The following ZIM3 variants were observed in gnomAD, a reference collection of about 807,000 sequenced individuals.
ZIM3 encodes zinc finger imprinted 3.
A neutral mutation model predicts 12.9 loss-of-function variants in ZIM3; 11 were observed. That is an observed-to-expected ratio of 0.85 (90% CI 0.54 to 1.41). The LOEUF (loss-of-function observed/expected upper bound fraction) is 1.41, where lower values mean the gene tolerates loss of function less well. Among genes scored for constraint, ZIM3 ranks in the 40% most tolerant of loss-of-function variants. The pLI is 0.00. For missense variants in ZIM3, 604 were observed against 557.2 expected (o/e 1.08, Z -0.85); for synonymous variants, 205 against 198.5 (o/e 1.03, Z -0.28).
At chr19:57,143,075 G>C (rs1219541283) in intron 1 of ZIM3, among the ~76,000 whole-genome samples, 4 of 151,862 alleles carry the variant, frequency 2.6e-5, no homozygotes, top group East Asian at 1.9e-4. Context: ...TGCCTGTAAT[G>C]CCAGCACTTT....
At chr19:57,136,809 C>G in intron 4 of ZIM3, 64 bp downstream of exon 4, 1 of 1,442,920 alleles carries the variant, frequency 6.9e-7, no homozygotes, top group Non-Finnish European at 9.7e-7. Context: ...ACGACTTCCT[C>G]ATTTAGAAAA....
chr19:57,135,526 T>C lies in ZIM3; in HGVS notation c.811A>G (p.Lys271Glu). The change falls in exon 5 of 5, where the codon AAA (lysine) becomes GAA (glutamate). Residue 271 changes from lysine (K) to glutamate (E), a missense_variant. Lys to Glu is a moderately conservative substitution (Grantham distance 56). Coordinates refer to ENST00000269834, the MANE Select transcript of ZIM3 (RefSeq NM_052882.1). ...TAGGATTTCTTGGCATTATGAATTTTCTCATGATTAATGCAGGATGATTTC... is the reference window on the plus strand; with the variant it reads ...TAGGATTTCTTGGCATTATGAATTTCCTCATGATTAATGCAGGATGATTTC... ...SWKSSCINHE[K>E]IHNAKKSYQC... The C allele has an allele frequency of 6.2e-7, 1 of 1,614,078 alleles. No individual in the cohort carries two copies.
Position 57,135,849 on chromosome 19 carries a change from A to G in ZIM3, c.488T>C (p.Val163Ala), listed in dbSNP as rs144475735. Residue 163 changes from valine (V) to alanine (A), a missense_variant, in exon 5 of 5, where the codon GTA becomes GCA. Val to Ala is a moderately conservative substitution (Grantham distance 64, BLOSUM62 0). Coordinates refer to ENST00000269834, the MANE Select transcript of ZIM3 (RefSeq NM_052882.1). ...KLVGNNPSKFVGQQLKCNACR... is the reference protein window; with the variant it reads ...KLVGNNPSKFAGQQLKCNACR... The stretch of plus-strand genomic sequence containing the variant: ...GGCATTACATTTCAGTTGTTGTCCT[A>G]CAAATTTGGATGGATTATTGCCAAC... 1 of 1,614,024 alleles carries G rather than the reference A, an allele frequency of 6.2e-7. No individual in the cohort carries two copies. The highest frequency in any genetic ancestry group is 1.3e-5 in the African/African-American group (1 of 74,934).
rs1464113091 is a variant in ZIM3 at position 57,134,214 on chromosome 19, CCT to C, written c.*702_*703del. 1 of 152,194 alleles carries C rather than the reference CCT, an allele frequency of 6.6e-6. No homozygotes were observed. Among genetic ancestry groups the C allele is most frequent in the Non-Finnish European group, 1.5e-5 (1 of 68,040 alleles). 9.4% of individuals were successfully genotyped at this position (152,194 alleles called of 1,614,324 possible). On this transcript the variant is annotated 3_prime_UTR_variant, in exon 5 of 5. Transcript: ENST00000269834. ...CCAGTCCCCTACACCTCTAGAGAAACCTCTCCACTCATGAATTATAGAAATCA... is the reference window on the plus strand; with the variant it reads ...CCAGTCCCCTACACCTCTAGAGAAACCTCCACTCATGAATTATAGAAATCA...
chr19:57,139,260 G>A (rs2086903278), intron 2 of ZIM3, among the ~76,000 whole-genome samples: 1 of 151,366 alleles, frequency 6.6e-6, no homozygotes, highest in East Asian at 2.0e-4. Context: ...CCCAGGAGGT[G>A]GAGGCTGCAG....
chr19:57,141,176 C>T (rs186989060), intron 2 of ZIM3, among the ~76,000 whole-genome samples: 106 of 152,116 alleles, frequency 7.0e-4, no homozygotes, highest in African/African-American at 2.4e-3. Flanking sequence ...GGGTGGATCA[C>T]CTGAGGTCAG....
chr19:57,137,922 AGAAG>A (rs1285328183), intron 3 of ZIM3, among the ~76,000 whole-genome samples: 371 of 20,714 alleles, frequency 0.018, 18 homozygotes, highest in Non-Finnish European at 0.027. Flanking sequence ...AAGGAAGGAA[AGAAG>A]GAAGGAAGGA....
rs180836889 is a variant in ZIM3 at position 57,134,765 on chromosome 19, T to C, written c.*153A>G. 1,082 of 689,770 alleles carry C rather than the reference T, an allele frequency of 1.6e-3. 4 individuals carry two copies. The highest frequency in any genetic ancestry group is 1.1e-3 in the East Asian group (40 of 36,920). The allele number at this position is 689,770 out of a possible 1,614,324, so 42.7% of individuals were successfully genotyped here. A position where few individuals can be genotyped will look rare whatever the true frequency, so the allele number is the denominator to read the frequency against. ...ACTTAATAAACATTTGCTGAGTGAGTATGCCGAATGGGTTTTCAAAGGATA... is the reference window on the plus strand; with the variant it reads ...ACTTAATAAACATTTGCTGAGTGAGCATGCCGAATGGGTTTTCAAAGGATA... On this transcript the variant is annotated 3_prime_UTR_variant, in exon 5 of 5. Coordinates refer to ENST00000269834, the MANE Select transcript of ZIM3 (RefSeq NM_052882.1).
At chr19:57,139,054 C>T (rs28672911) in intron 2 of ZIM3, among the ~76,000 whole-genome samples, 2,180 of 152,014 alleles carry the variant, frequency 0.014, 62 homozygotes, top group African/African-American at 0.049. Flanking sequence ...TGGCCGGGCA[C>T]GGTGGCTCAC....
Position 57,140,436 on chromosome 19 carries a change from G to T in ZIM3, c.16-1838C>A, listed in dbSNP as rs145441445. Reference sequence around the variant, plus strand: ...AGTGATCTGCCCGCATCGGCCTCCCGAAGAGCTGGGATTAAAGGGATGAGC... The same window carrying T: ...AGTGATCTGCCCGCATCGGCCTCCCTAAGAGCTGGGATTAAAGGGATGAGC... On this transcript the variant is annotated intron_variant, in intron 2 of 4. Transcript: ENST00000269834. 3.1e-3 allele frequency among the ~76,000 whole-genome samples: 475 copies of T among 152,010 alleles called. 4 individuals carry two copies. The highest frequency in any genetic ancestry group is 5.8e-3 in the Admixed American group (89 of 15,240).
rs2086919561 is a variant in ZIM3, at chr19:57,142,821, G to C, written c.-42-136C>G. ...CAGAAAAGCCCTGACTTGTACCTCAGTGATCCCCTTCTGAAGGTCTTTTTT... is the reference window on the plus strand; with the variant it reads ...CAGAAAAGCCCTGACTTGTACCTCACTGATCCCCTTCTGAAGGTCTTTTTT... On this transcript the variant is annotated intron_variant, in intron 1 of 4. Coordinates refer to ENST00000269834, the MANE Select transcript of ZIM3 (RefSeq NM_052882.1). 7 of 599,750 alleles carry C rather than the reference G, an allele frequency of 1.2e-5. No homozygotes were observed. The East Asian group carries it at 2.0e-4, about 17-fold the overall frequency. 37.2% of individuals were successfully genotyped at this position (599,750 alleles called of 1,614,324 possible). A position where few individuals can be genotyped will look rare whatever the true frequency, so the allele number is the denominator to read the frequency against.
At position 57,135,137 on chromosome 19, in the gene ZIM3, G is replaced by A. The variant is rs1307555440; in HGVS notation, c.1200C>T (p.Phe400=). The A allele has an allele frequency of 7.4e-6, 12 of 1,614,136 alleles. No individual in the cohort carries two copies. Among genetic ancestry groups the A allele is most frequent in the Non-Finnish European group, 1.0e-5 (12 of 1,179,978 alleles). Reference sequence around the variant, plus strand: ...GGCTATGAAGGTTTGACTTCTGAAAGAAGGCTTTTCCACATCTGTTACATT... The same window carrying A: ...GGCTATGAAGGTTTGACTTCTGAAAAAAGGCTTTTCCACATCTGTTACATT... ...PYECNRCGKA[F]FQKSNLHSHQ... is the part of the protein sequence containing the mutation. Residue 400 remains phenylalanine (F), a synonymous_variant, in exon 5 of 5, where the codon TTC becomes TTT. Coordinates refer to ENST00000269834, the MANE Select transcript of ZIM3 (RefSeq NM_052882.1).
chr19:57,143,454 G>T (rs2086924003), intron 1 of ZIM3, among the ~76,000 whole-genome samples: 1 of 152,274 alleles, frequency 6.6e-6, no homozygotes, highest in South Asian at 2.1e-4. Context: ...GGAAGGCCGA[G>T]AGCAGAAACC....
At chr19:57,142,185 C>A (rs1485310140) in intron 2 of ZIM3, among the ~76,000 whole-genome samples, 1 of 148,602 alleles carries the variant, frequency 6.7e-6, no homozygotes, top group African/African-American at 2.5e-5. Flanking sequence ...GCTCTGTCAC[C>A]CAGGCTGGAG....
At chr19:57,144,575 T>C (rs2086929238) in intron 1 of ZIM3, among the ~76,000 whole-genome samples, 1 of 152,050 alleles carries the variant, frequency 6.6e-6, no homozygotes, top group Non-Finnish European at 1.5e-5. Context: ...TTGTACCCCA[T>C]AAATAAACAC....
intron 1 of ZIM3, among the ~76,000 whole-genome samples, chr19:57,144,635 G>C (rs1194594481): frequency 6.6e-6 from 1 of 152,078 alleles, no homozygotes; most frequent in East Asian, 1.9e-4. Flanking sequence ...TGGGCCAGCA[G>C]TAATGCTAAG....
chr19:57,136,837 G>A (rs1057022620), intron 4 of ZIM3, 36 bp downstream of exon 4: 1 of 1,584,502 alleles, frequency 6.3e-7, no homozygotes, highest in African/African-American at 1.3e-5. Context: ...TGGCTTCCAT[G>A]CACCATTGAC....
rs556948797 is a variant in ZIM3, at chr19:57,137,030, G to C, written c.143-59C>G. 1.8e-4 allele frequency: 269 copies of C among 1,513,662 alleles called. No homozygotes were observed. In the African/African-American group the frequency reaches 3.1e-3, roughly 18 times the overall value. The allele number at this position is 1,513,662 out of a possible 1,614,324, so 93.8% of individuals were successfully genotyped here. On this transcript the variant is annotated intron_variant, in intron 3 of 4. Transcript: ENST00000269834. ...GTGGATGTGTGAGTTGTTTGTGCAA[G>C]TGTATGAGTGTATATAAGCGCTTGC... is the stretch of plus-strand genomic sequence containing the variant.
At chr19:57,137,900 AAAGAAGGAAG>A (rs2086894506) in intron 3 of ZIM3, among the ~76,000 whole-genome samples, 2 of 52,684 alleles carry the variant, frequency 3.8e-5, no homozygotes, top group African/African-American at 1.6e-4. Context: ...AGAAGGAAGG[AAAGAAGGAAG>A]GAAGGAAGGA....
Sources: allele counts gnomAD v4.1 joint callset (sites outside exome capture counted in the v4.1 genomes callset), GRCh38; gene constraint gnomAD v4.1.1; transcripts MANE v1.5; gene names NCBI Gene and HGNC (gene_info 2026-07-23, HGNC 2026-07-21).